Variants in SHLD1 observed in about 807,000 individuals in gnomAD.
The protein encoded by SHLD1 is RINN1-REV7-interacting novel NHEJ regulator 3.
SHLD1 carries 3 observed loss-of-function variants against 5.5 expected under a neutral mutation model. The ratio of observed to expected loss-of-function variants is 0.54; its 90% CI spans 0.25 to 1.40. The LOEUF (loss-of-function observed/expected upper bound fraction) is 1.40, where lower values mean the gene tolerates loss of function less well. SHLD1 is among the 40% of genes most tolerant of loss of function. The probability of loss-of-function intolerance (pLI) is 0.15; values close to 1 mark genes in which losing one functional copy is unlikely to be tolerated. For missense variants in SHLD1, 210 were observed against 244.4 expected (o/e 0.86, Z 0.94); for synonymous variants, 92 against 94.3 (o/e 0.98, Z 0.14).
At chr20:5,759,755 G>C (rs1460219143) in intron 1 of SHLD1, among the ~76,000 whole-genome samples, 1 of 151,940 alleles carries the variant, frequency 6.6e-6, no homozygotes, top group African/African-American at 2.4e-5. Context: ...TACCCAGGCT[G>C]GTCTCAAATT....
At chr20:5,851,426 G>A (rs1222099653) in intron 2 of SHLD1, among the ~76,000 whole-genome samples, 2 of 151,588 alleles carry the variant, frequency 1.3e-5, no homozygotes, top group Non-Finnish European at 2.9e-5. Context: ...AGGACTTCGA[G>A]GCTACAGTGA....
At chr20:5,809,362 A>G in intron 2 of SHLD1, among the ~76,000 whole-genome samples, 1 of 151,994 alleles carries the variant, frequency 6.6e-6, no homozygotes, top group East Asian at 1.9e-4. Context: ...ATTTGCTCTG[A>G]GCTCAGAGTT....
At chr20:5,813,225 C>G (rs992361121) in intron 2 of SHLD1, among the ~76,000 whole-genome samples, 1 of 151,856 alleles carries the variant, frequency 6.6e-6, no homozygotes, top group African/African-American at 2.4e-5. Flanking sequence ...CTGTGGCTCA[C>G]GTCTGTAATC....
chr20:5,752,922 G>A (rs961798041), intron 1 of SHLD1, among the ~76,000 whole-genome samples: 2 of 152,126 alleles, frequency 1.3e-5, no homozygotes, highest in African/African-American at 4.8e-5. Context: ...AGCCTACGGC[G>A]TAGCTGGGAT....
At chr20:5,768,560 T>G (rs1188239504) in intron 1 of SHLD1, among the ~76,000 whole-genome samples, 1 of 152,222 alleles carries the variant, frequency 6.6e-6, no homozygotes, top group Non-Finnish European at 1.5e-5. Flanking sequence ...CATTAAATAA[T>G]TGACTGACTG....
chr20:5,815,837 T>C (rs1365143249), intron 2 of SHLD1, among the ~76,000 whole-genome samples: 1 of 152,120 alleles, frequency 6.6e-6, no homozygotes, highest in African/African-American at 2.4e-5. Context: ...TCCCAGCACT[T>C]TGGGAGGCCA....
intron 2 of SHLD1, among the ~76,000 whole-genome samples, chr20:5,776,727 C>T (rs992659522): frequency 2.0e-5 from 3 of 152,014 alleles, no homozygotes; most frequent in African/African-American, 7.2e-5. Context: ...CGCACCATTG[C>T]ACTCCAGCCC....
At chr20:5,798,173 G>C (rs923991291) in intron 2 of SHLD1, among the ~76,000 whole-genome samples, 3 of 152,186 alleles carry the variant, frequency 2.0e-5, no homozygotes, top group African/African-American at 7.2e-5. Flanking sequence ...CAGCTGGGCT[G>C]TCAGCTGAAG....
At chr20:5,762,737 G>C (rs1162576066) in intron 1 of SHLD1, among the ~76,000 whole-genome samples, 2 of 152,180 alleles carry the variant, frequency 1.3e-5, no homozygotes, top group East Asian at 3.9e-4. Context: ...CACTTTGGGA[G>C]ACTGAGGCAG....
At chr20:5,816,873 C>G (rs2087536897) in intron 2 of SHLD1, among the ~76,000 whole-genome samples, 1 of 152,038 alleles carries the variant, frequency 6.6e-6, no homozygotes, top group African/African-American at 2.4e-5. Context: ...AGTTCAAGAC[C>G]AGCCTGGGCT....
At chr20:5,813,417 G>T (rs1884996806) in intron 2 of SHLD1, among the ~76,000 whole-genome samples, 1 of 152,186 alleles carries the variant, frequency 6.6e-6, no homozygotes, top group African/African-American at 2.4e-5. Context: ...TTGAACCCAG[G>T]AGGTGGAGGT....
At chr20:5,809,117 G>A (rs2087423381) in intron 2 of SHLD1, among the ~76,000 whole-genome samples, 1 of 151,990 alleles carries the variant, frequency 6.6e-6, no homozygotes, top group Non-Finnish European at 1.5e-5. Flanking sequence ...AAATGTTGGG[G>A]GTGGATTTTT....
chr20:5,781,604 A>G lies in SHLD1; in HGVS notation c.178+8561A>G, dbSNP rs575068353. Among the ~76,000 whole-genome samples the G allele has an allele frequency of 7.9e-5, 12 of 152,052 alleles. No homozygotes were observed. In the South Asian group the frequency reaches 1.7e-3, roughly 21 times the overall value. On this transcript the variant is annotated intron_variant, in intron 2 of 2. Coordinates refer to ENST00000303142, the MANE Select transcript of SHLD1 (RefSeq NM_152504.4). ...GCGATTCTCCTGCCTCAGCCTCCTG[A>G]GTAGCTGGGATTACAGGCACCCACC...
At chr20:5,784,657 A>T (rs1008085606) in intron 2 of SHLD1, among the ~76,000 whole-genome samples, 70 of 152,032 alleles carry the variant, frequency 4.6e-4, no homozygotes, top group Admixed American at 1.8e-3. Context: ...TCACCGTGTT[A>T]GCCAGGTTGG....
intron 2 of SHLD1, among the ~76,000 whole-genome samples, chr20:5,810,212 G>A (rs1182076246): frequency 6.6e-6 from 1 of 151,558 alleles, no homozygotes; most frequent in African/African-American, 2.4e-5. Context: ...AGCCAAGATC[G>A]TGCCACTGCA....
chr20:5,760,290 C>G (rs1340008551), intron 1 of SHLD1, among the ~76,000 whole-genome samples: 3 of 151,864 alleles, frequency 2.0e-5, no homozygotes, highest in Non-Finnish European at 4.4e-5. Context: ...TCCGCAGTTG[C>G]AAGGAGAGGT....
At chr20:5,783,362 T>G (rs1196660316) in intron 2 of SHLD1, among the ~76,000 whole-genome samples, 1 of 152,178 alleles carries the variant, frequency 6.6e-6, no homozygotes, top group Non-Finnish European at 1.5e-5. Flanking sequence ...TAGCTGGCAC[T>G]ACAGGAGCCC....
chr20:5,858,934 G>A (rs1280495560), intron 2 of SHLD1, among the ~76,000 whole-genome samples: 2 of 152,154 alleles, frequency 1.3e-5, no homozygotes, highest in Non-Finnish European at 2.9e-5. Flanking sequence ...ATCAAGCCCT[G>A]CCCTCCTCCT....
At chr20:5,766,913 CTTCT>C (rs147294690) in intron 1 of SHLD1, among the ~76,000 whole-genome samples, 4,266 of 151,894 alleles carry the variant, frequency 0.028, 80 homozygotes, top group Non-Finnish European at 0.042. Flanking sequence ...TCTGAAATTA[CTTCT>C]TTCATGCAAA....
Sources: gnomAD v4.1 joint callset for allele counts (sites outside exome capture counted in the v4.1 genomes callset) on GRCh38, gnomAD v4.1.1 for gene constraint, MANE v1.5 for transcripts, NCBI Gene and HGNC (gene_info 2026-07-23, HGNC 2026-07-21) for gene names.